ROBO1: variants seen among roughly 807,000 people sequenced by gnomAD.
ROBO1 encodes the protein roundabout homolog 1.
Under a neutral mutation model 195.9 loss-of-function variants are expected in ROBO1, and 149 were observed. That is an observed-to-expected ratio of 0.76 (90% CI 0.67 to 0.87). The LOEUF (loss-of-function observed/expected upper bound fraction) is 0.87, where lower values mean the gene tolerates loss of function less well. Ranked by LOEUF, ROBO1 falls within the 40% of genes least tolerant of loss-of-function variation. The probability of loss-of-function intolerance (pLI) is 0.00; values close to 1 mark genes in which losing one functional copy is unlikely to be tolerated. For synonymous variants in ROBO1, 816 were observed against 733.2 expected (o/e 1.11, Z -1.82); for missense variants, 1,933 against 2,068.3 (o/e 0.93, Z 1.27).
At chr3:79,383,251 T>A (rs1350028524) in intron 2 of ROBO1, among the ~76,000 whole-genome samples, 2 of 152,134 alleles carry the variant, frequency 1.3e-5, no homozygotes, top group Non-Finnish European at 2.9e-5. Flanking sequence ...GATTTTGTAC[T>A]GATTTTATTC....
chr3:78,687,023 A>G (rs181854032), intron 9 of ROBO1, among the ~76,000 whole-genome samples: 84 of 152,324 alleles, frequency 5.5e-4, no homozygotes, highest in African/African-American at 2.0e-3. Flanking sequence ...GGTGCCTTTT[A>G]ATATACATTC....
In ROBO1 at chr3:78,618,055, A is replaced by C. The variant is rs1349266609; in HGVS notation, c.3876-14T>G. On this transcript the variant is annotated splice_polypyrimidine_tract_variant and intron_variant, in intron 26 of 30. Transcript: ENST00000464233. ...ACAGGCTGCCGTCTGTATGAAGATG[A>C]ATAAATAGGTCTGGCTCAGCTTGTT... The C allele has an allele frequency of 1.4e-5, 23 of 1,591,880 alleles. No individual in the cohort carries two copies. The highest frequency in any genetic ancestry group is 1.8e-5 in the Non-Finnish European group (21 of 1,168,690).
At chr3:79,728,876 A>G (rs1703033617) in intron 1 of ROBO1, among the ~76,000 whole-genome samples, 1 of 152,140 alleles carries the variant, frequency 6.6e-6, no homozygotes, top group Non-Finnish European at 1.5e-5. Context: ...ACCTTTTTTA[A>G]TGATTGAAAC....
intron 1 of ROBO1, among the ~76,000 whole-genome samples, chr3:79,619,012 T>C (rs576116554): frequency 5.9e-5 from 9 of 152,350 alleles, no homozygotes; most frequent in Non-Finnish European, 1.2e-4. Context: ...ACACCTGCCT[T>C]GATCATTCAC....
chr3:79,741,334 G>A (rs537962318), intron 1 of ROBO1, among the ~76,000 whole-genome samples: 3 of 152,058 alleles, frequency 2.0e-5, no homozygotes, highest in African/African-American at 4.8e-5. Context: ...GTTTCTCCTG[G>A]TTCTTCTGCA....
intron 7 of ROBO1, among the ~76,000 whole-genome samples, chr3:78,716,997 T>C (rs2081918100): frequency 6.6e-6 from 1 of 152,158 alleles, no homozygotes; most frequent in Non-Finnish European, 1.5e-5. Flanking sequence ...TTAACTGTCA[T>C]CTGGTTGAAC....
At chr3:78,819,071 G>A (rs575275023) in intron 4 of ROBO1, among the ~76,000 whole-genome samples, 1 of 152,226 alleles carries the variant, frequency 6.6e-6, no homozygotes, top group African/African-American at 2.4e-5. Flanking sequence ...GGGGGTCTTG[G>A]AACATATCGC....
intron 2 of ROBO1, among the ~76,000 whole-genome samples, chr3:79,298,648 A>G (rs2032724757): frequency 6.6e-6 from 1 of 152,280 alleles, no homozygotes; most frequent in South Asian, 2.1e-4. Context: ...TCACCAGTCC[A>G]TAAAGTTGTT....
At chr3:78,913,865 C>T (rs2107551129) in intron 4 of ROBO1, among the ~76,000 whole-genome samples, 1 of 152,266 alleles carries the variant, frequency 6.6e-6, no homozygotes, top group Middle Eastern at 3.4e-3. Context: ...TATGTGTGCA[C>T]ATGGGAAGTA....
At chr3:79,581,303 GT>G (rs1943654370) in intron 2 of ROBO1, among the ~76,000 whole-genome samples, 1 of 152,054 alleles carries the variant, frequency 6.6e-6, no homozygotes, top group South Asian at 2.1e-4. Flanking sequence ...GAGGCACTCT[GT>G]TTGCTGCAAT....
intron 4 of ROBO1, among the ~76,000 whole-genome samples, chr3:78,769,621 T>G (rs1467399278): frequency 1.6e-3 from 112 of 67,948 alleles, no homozygotes; most frequent in African/African-American, 5.6e-3. Context: ...TACTTTGGTT[T>G]TTTTTTTTTT....
intron 2 of ROBO1, among the ~76,000 whole-genome samples, chr3:79,325,088 A>C (rs187032962): frequency 3.3e-5 from 5 of 152,362 alleles, no homozygotes; most frequent in Admixed American, 3.3e-4. Context: ...ATGTGAATTA[A>C]ATGAGAATAT....
At chr3:78,880,567 C>T (rs971633458) in intron 4 of ROBO1, among the ~76,000 whole-genome samples, 4 of 152,092 alleles carry the variant, frequency 2.6e-5, no homozygotes, top group African/African-American at 9.7e-5. Context: ...CAAATTGTTA[C>T]AAACATACAC....
At chr3:78,742,038 TA>T (rs906777218) in intron 5 of ROBO1, among the ~76,000 whole-genome samples, 1 of 151,970 alleles carries the variant, frequency 6.6e-6, no homozygotes, top group East Asian at 1.9e-4. Flanking sequence ...ATTAAGAACT[TA>T]AAAAAAATAC....
chr3:79,177,524 C>G (rs1394448046), intron 2 of ROBO1, among the ~76,000 whole-genome samples: 1 of 152,186 alleles, frequency 6.6e-6, no homozygotes, highest in Non-Finnish European at 1.5e-5. Context: ...CAATCCACTC[C>G]TCCCCCACTT....
intron 1 of ROBO1, among the ~76,000 whole-genome samples, chr3:79,630,644 T>C (rs542981107): frequency 1.3e-5 from 2 of 151,816 alleles, no homozygotes; most frequent in African/African-American, 4.8e-5. Context: ...GACAGAGCAA[T>C]CAAGAAAGAA....
At chr3:79,730,530 G>A (rs1258439897) in intron 1 of ROBO1, among the ~76,000 whole-genome samples, 2 of 151,960 alleles carry the variant, frequency 1.3e-5, no homozygotes, top group African/African-American at 2.4e-5. Context: ...CCACTTGGGG[G>A]CCAATAAAAA....
intron 27 of ROBO1, 98 bp from the exon 28 acceptor site, chr3:78,614,898 T>G: frequency 2.4e-6 from 3 of 1,240,506 alleles, no homozygotes; most frequent in Non-Finnish European, 3.2e-6. Context: ...AGAAACAGCT[T>G]TAATTTTTCT....
Position 78,688,778 on chromosome 3 carries a change from G to A in ROBO1, c.1046-6C>T. ...CACAACAAAATGTGGAGGTTCTGAA[G>A]GAGGTGAAACAAATTACACCGAATT... On this transcript the variant is annotated splice_region_variant and splice_polypyrimidine_tract_variant and intron_variant, in intron 8 of 30. Coordinates refer to ENST00000464233, the MANE Select transcript of ROBO1 (RefSeq NM_002941.4). 1 of 1,605,568 alleles carries A rather than the reference G, an allele frequency of 6.2e-7. No homozygotes were observed. Among genetic ancestry groups the A allele is most frequent in the South Asian group, 1.1e-5 (1 of 89,064 alleles).
Sources: gnomAD v4.1 joint callset for allele counts (sites outside exome capture counted in the v4.1 genomes callset) on GRCh38, gnomAD v4.1.1 for gene constraint, MANE v1.5 for transcripts, NCBI Gene and HGNC (gene_info 2026-07-23, HGNC 2026-07-21) for gene names.